Variants in SNTG2 observed in about 807,000 individuals in gnomAD.
SNTG2 encodes syntrophin gamma 2.
Under a neutral mutation model 70.9 loss-of-function variants are expected in SNTG2, and 74 were observed. That is an observed-to-expected ratio of 1.04 (90% CI 0.86 to 1.27). The LOEUF is 1.27. SNTG2 is among the 50% of genes most tolerant of loss of function. SNTG2 has a pLI of 0.00. For synonymous variants in SNTG2, 278 were observed against 273.8 expected, an observed-to-expected ratio of 1.02 and a Z score of -0.15; for missense variants, 717 against 690.7, an observed-to-expected ratio of 1.04 and a Z score of -0.43.
intron 16 of SNTG2, among the ~76,000 whole-genome samples, chr2:1,327,899 A>T (rs987021373): frequency 1.3e-5 from 2 of 152,198 alleles, no homozygotes; most frequent in African/African-American, 4.8e-5. Flanking sequence ...GAAATACCTG[A>T]GGCTGAGTAA....
At chr2:1,208,599 G>A (rs1673822317) in intron 8 of SNTG2, among the ~76,000 whole-genome samples, 1 of 152,084 alleles carries the variant, frequency 6.6e-6, no homozygotes, top group African/African-American at 2.4e-5. Flanking sequence ...CCGCAGACCC[G>A]ACGAGGCCTC....
chr2:966,054 T>A (rs779735572), intron 1 of SNTG2, among the ~76,000 whole-genome samples: 1 of 152,172 alleles, frequency 6.6e-6, no homozygotes, highest in South Asian at 2.1e-4. Context: ...TTCTCTCGCC[T>A]CCATGCATGC....
intron 15 of SNTG2, among the ~76,000 whole-genome samples, chr2:1,311,399 T>G (rs1452925849): frequency 6.6e-6 from 1 of 152,220 alleles, no homozygotes; most frequent in Non-Finnish European, 1.5e-5. Context: ...TAAACAATTG[T>G]TCCTTGTAGT....
intron 14 of SNTG2, among the ~76,000 whole-genome samples, chr2:1,274,634 A>G (rs7609491): frequency 0.3 from 45,502 of 150,196 alleles, 7,950 homozygotes; most frequent in African/African-American, 0.47. Flanking sequence ...TCTGCCCTCG[A>G]TCAGGATGAT....
chr2:1,000,735 A>T (rs2147987280), intron 1 of SNTG2, among the ~76,000 whole-genome samples: 1 of 151,982 alleles, frequency 6.6e-6, no homozygotes, highest in Middle Eastern at 3.4e-3. Context: ...TTAAAAAATG[A>T]GGAGGAAGGA....
chr2:1,267,695 C>T (rs918612694), intron 14 of SNTG2, 124 bp downstream of exon 14: 20 of 892,016 alleles, frequency 2.2e-5, no homozygotes, highest in East Asian at 1.9e-4. Context: ...AATCTTTCAC[C>T]GGAGCTACTG....
At chr2:1,041,708 C>G (rs772463541) in intron 1 of SNTG2, among the ~76,000 whole-genome samples, 1 of 152,178 alleles carries the variant, frequency 6.6e-6, no homozygotes, top group Non-Finnish European at 1.5e-5. Flanking sequence ...GAGGCCTCCC[C>G]AGAAGCCAAG....
chr2:1,092,696 AATATG>A (rs1372331024), intron 2 of SNTG2, among the ~76,000 whole-genome samples: 1 of 152,224 alleles, frequency 6.6e-6, no homozygotes, highest in African/African-American at 2.4e-5. Context: ...CAGAATAAGA[AATATG>A]ATCTTATATA....
At chr2:1,052,332 CTG>C (rs1662122995) in intron 1 of SNTG2, among the ~76,000 whole-genome samples, 1 of 152,094 alleles carries the variant, frequency 6.6e-6, no homozygotes, top group Non-Finnish European at 1.5e-5. Context: ...AATATTATAT[CTG>C]TTTTAGCAAA....
chr2:1,240,244 C>G (rs114597327), intron 11 of SNTG2, among the ~76,000 whole-genome samples: 9,613 of 152,180 alleles, frequency 0.063, 551 homozygotes, highest in African/African-American at 0.15. Context: ...TCCTGTCATC[C>G]CCAAATCCAG....
chr2:974,800 C>T (rs1660856276), intron 1 of SNTG2, among the ~76,000 whole-genome samples: 1 of 152,044 alleles, frequency 6.6e-6, no homozygotes, highest in Non-Finnish European at 1.5e-5. Context: ...AGCCATAGTT[C>T]TGGTGGGTTC....
chr2:1,199,090 C>T (rs1419970377), intron 8 of SNTG2, among the ~76,000 whole-genome samples: 2 of 151,108 alleles, frequency 1.3e-5, no homozygotes, highest in African/African-American at 4.9e-5. Context: ...AAGGAAACAA[C>T]AGGCCAATAT....
chr2:1,222,103 C>G (rs1458318411), intron 9 of SNTG2, among the ~76,000 whole-genome samples: 1 of 67,850 alleles, frequency 1.5e-5, no homozygotes, highest in African/African-American at 6.3e-5. Context: ...CTGTCTCTCT[C>G]TGTCTCTCTC....
intron 8 of SNTG2, among the ~76,000 whole-genome samples, chr2:1,185,973 T>C (rs1015088318): frequency 1.3e-5 from 2 of 152,242 alleles, no homozygotes; most frequent in Non-Finnish European, 2.9e-5. Context: ...GCTTTCCTTC[T>C]ATATAAGTTC....
chr2:1,006,520 G>A (rs1000128685), intron 1 of SNTG2, among the ~76,000 whole-genome samples: 9 of 151,718 alleles, frequency 5.9e-5, no homozygotes, highest in East Asian at 1.9e-4. Flanking sequence ...AGAATTTACC[G>A]TTGTCTACTT....
chr2:1,020,223 TG>T (rs1283958255), intron 1 of SNTG2, among the ~76,000 whole-genome samples: 1 of 152,178 alleles, frequency 6.6e-6, no homozygotes. Context: ...TTCATAGACG[TG>T]GGGTGGATGG....
intron 16 of SNTG2, among the ~76,000 whole-genome samples, chr2:1,350,520 A>G (rs918545834): frequency 1.3e-5 from 2 of 152,172 alleles, no homozygotes; most frequent in Non-Finnish European, 2.9e-5. Flanking sequence ...CAATTTATAA[A>G]TCACAGATTT....
intron 16 of SNTG2, among the ~76,000 whole-genome samples, chr2:1,352,304 T>C (rs1660621011): frequency 6.6e-6 from 1 of 152,144 alleles, no homozygotes; most frequent in South Asian, 2.1e-4. Context: ...TCCCCTCTGC[T>C]CCTTTCAAAT....
At chr2:1,116,730 G>A (rs1667013067) in intron 4 of SNTG2, among the ~76,000 whole-genome samples, 1 of 148,672 alleles carries the variant, frequency 6.7e-6, no homozygotes, top group Non-Finnish European at 1.5e-5. Flanking sequence ...TGGTGTGTGC[G>A]TGCCCTGGTG....
Sources: gnomAD v4.1 joint callset for allele counts (sites outside exome capture counted in the v4.1 genomes callset) on GRCh38, gnomAD v4.1.1 for gene constraint, MANE v1.5 for transcripts, NCBI Gene and HGNC (gene_info 2026-07-23, HGNC 2026-07-21) for gene names.